DIAPH3: variants seen among roughly 807,000 people sequenced by gnomAD.
DIAPH3 encodes protein diaphanous homolog 3.
A neutral mutation model predicts 144.3 loss-of-function variants in DIAPH3; 117 were observed. That is an observed-to-expected ratio of 0.81 (90% CI 0.70 to 0.95). The LOEUF is 0.95. Among genes scored for constraint, DIAPH3 ranks in the 40% least tolerant of loss-of-function variants. The pLI is 0.00. For missense variants in DIAPH3, 1,421 were observed against 1,412.7 expected, an observed-to-expected ratio of 1.01 and a Z score of -0.09; for synonymous variants, 519 against 488.9, an observed-to-expected ratio of 1.06 and a Z score of -0.81.
chr13:59,994,999 T>A (rs1388332712), intron 9 of DIAPH3, among the ~76,000 whole-genome samples: 1 of 151,722 alleles, frequency 6.6e-6, no homozygotes, highest in African/African-American at 2.4e-5. Context: ...ACATTTGAAA[T>A]ATGAAGAAAA....
chr13:59,812,322 ATCCT>A (rs2040529705), intron 24 of DIAPH3, among the ~76,000 whole-genome samples: 1 of 151,872 alleles, frequency 6.6e-6, no homozygotes, highest in Admixed American at 6.6e-5. Context: ...CGATCCATCC[ATCCT>A]TCCATCTATC....
intron 17 of DIAPH3, among the ~76,000 whole-genome samples, chr13:59,967,005 T>A (rs552755013): frequency 6.6e-6 from 1 of 152,068 alleles, no homozygotes; most frequent in Non-Finnish European, 1.5e-5. Context: ...CACCTTGGAG[T>A]GAACAATACA....
At chr13:60,038,528 GAAT>G (rs2055393147) in intron 5 of DIAPH3, among the ~76,000 whole-genome samples, 1 of 152,020 alleles carries the variant, frequency 6.6e-6, no homozygotes, top group South Asian at 2.1e-4. Context: ...TTATTAAATG[GAAT>G]AATGACATTC....
At chr13:59,761,248 T>C (rs1013809878) in intron 27 of DIAPH3, among the ~76,000 whole-genome samples, 2 of 152,194 alleles carry the variant, frequency 1.3e-5, no homozygotes, top group African/African-American at 4.8e-5. Flanking sequence ...ATCCCTGGCT[T>C]TCATGAGATC....
chr13:59,900,449 C>G (rs2046367082), intron 20 of DIAPH3, among the ~76,000 whole-genome samples: 1 of 152,092 alleles, frequency 6.6e-6, no homozygotes, highest in East Asian at 1.9e-4. Context: ...CTCACCCCAA[C>G]TCATGGTTAG....
rs1416057620 is a variant in DIAPH3 at position 59,861,465 on chromosome 13, C to T, written c.2679G>A (p.Lys893=). The T allele has an allele frequency of 3.1e-6, 5 of 1,613,788 alleles. No homozygotes were observed. Among genetic ancestry groups the T allele is most frequent in the African/African-American group, 1.3e-5 (1 of 75,018 alleles). ...LHFLVEICEE[K]YPDILNFVDD... ...CCACAAAATTCAGTATATCAGGGTA[C>T]TTCTCTTCACATATTTCTACCAGGA... is the stretch of plus-strand genomic sequence containing the variant. Residue 893 remains lysine (K), a synonymous_variant, in exon 22 of 28, where the codon AAG becomes AAA. Transcript: ENST00000400324.
chr13:59,696,652 C>T (rs1458823580), intron 27 of DIAPH3, among the ~76,000 whole-genome samples: 6 of 152,148 alleles, frequency 3.9e-5, no homozygotes, highest in African/African-American at 1.4e-4. Flanking sequence ...TACTAAATGG[C>T]TGTGAAAATT....
At chr13:59,841,555 A>G (rs1681357144) in intron 22 of DIAPH3, among the ~76,000 whole-genome samples, 1 of 152,152 alleles carries the variant, frequency 6.6e-6, no homozygotes, top group Non-Finnish European at 1.5e-5. Flanking sequence ...CATGGCACCA[A>G]TGCACCACAG....
intron 15 of DIAPH3, among the ~76,000 whole-genome samples, chr13:59,972,315 G>A (rs1015376759): frequency 6.6e-6 from 1 of 152,138 alleles, no homozygotes; most frequent in Non-Finnish European, 1.5e-5. Flanking sequence ...TTGTCCTCAT[G>A]TTTCCATGGC....
intron 17 of DIAPH3, among the ~76,000 whole-genome samples, chr13:59,957,007 C>A (rs2140473227): frequency 1.3e-5 from 2 of 152,240 alleles, no homozygotes; most frequent in South Asian, 4.1e-4. Context: ...GATGCATGTA[C>A]CCCCATTGTA....
chr13:59,821,295 T>C lies in DIAPH3; in HGVS notation c.3028-10372A>G, dbSNP rs115009035. Among the ~76,000 whole-genome samples, 374 of 152,132 alleles carry C rather than the reference T, an allele frequency of 2.5e-3. 1 individual carries two copies. Among genetic ancestry groups the C allele is most frequent in the African/African-American group, 8.5e-3 (352 of 41,558 alleles). ...AACAAGCTCATGCAGGTCTCACACATTCCCACTAAACACCTTGCTTAGGGT... is the reference window on the plus strand; with the variant it reads ...AACAAGCTCATGCAGGTCTCACACACTCCCACTAAACACCTTGCTTAGGGT... On this transcript the variant is annotated intron_variant, in intron 24 of 27. Coordinates refer to ENST00000400324, the MANE Select transcript of DIAPH3 (RefSeq NM_001042517.2).
intron 9 of DIAPH3, among the ~76,000 whole-genome samples, chr13:59,997,949 G>T (rs1305480364): frequency 6.6e-6 from 1 of 152,068 alleles, no homozygotes; most frequent in Admixed American, 6.6e-5. Flanking sequence ...GGCTGCAAAA[G>T]CTTATTATCT....
chr13:59,724,748 G>A (rs765513064), intron 27 of DIAPH3, among the ~76,000 whole-genome samples: 3 of 152,140 alleles, frequency 2.0e-5, no homozygotes, highest in Non-Finnish European at 4.4e-5. Flanking sequence ...GAAAGAAATC[G>A]TTGTGAAAAT....
At chr13:59,837,718 T>A (rs1287549550) in intron 23 of DIAPH3, 1 of 150,458 alleles carries the variant, frequency 6.6e-6, no homozygotes, top group East Asian at 1.9e-4. Context: ...CTTTGTCATA[T>A]GAGAAGGTAG....
chr13:60,042,843 T>C, intron 4 of DIAPH3, 23 bp from the exon 5 acceptor site: 1 of 1,611,574 alleles, frequency 6.2e-7, no homozygotes, highest in Non-Finnish European at 8.5e-7. Context: ...TCAAAAAATG[T>C]TTTGATTAAT....
chr13:59,792,995 G>A (rs1311644191), intron 25 of DIAPH3, among the ~76,000 whole-genome samples: 2 of 152,282 alleles, frequency 1.3e-5, no homozygotes, highest in East Asian at 3.9e-4. Context: ...CCCACTCCCT[G>A]AGAGGGTTTA....
intron 25 of DIAPH3, among the ~76,000 whole-genome samples, chr13:59,783,363 T>C (rs1284617343): frequency 6.6e-6 from 1 of 152,176 alleles, no homozygotes; most frequent in African/African-American, 2.4e-5. Flanking sequence ...CTTTGTTTGA[T>C]GATAGAATGA....
At chr13:59,738,271 T>A (rs996005669) in intron 27 of DIAPH3, among the ~76,000 whole-genome samples, 1 of 152,044 alleles carries the variant, frequency 6.6e-6, no homozygotes, top group African/African-American at 2.4e-5. Context: ...GTCATCTTAG[T>A]AGAGATCCTG....
At chr13:59,953,185 A>G (rs1354193410) in intron 17 of DIAPH3, among the ~76,000 whole-genome samples, 1 of 152,172 alleles carries the variant, frequency 6.6e-6, no homozygotes, top group Non-Finnish European at 1.5e-5. Context: ...CATGGAGCAC[A>G]TATCTGGAGC....
Sources: allele counts gnomAD v4.1 joint callset (sites outside exome capture counted in the v4.1 genomes callset), GRCh38; gene constraint gnomAD v4.1.1; transcripts MANE v1.5; gene names NCBI Gene and HGNC (gene_info 2026-07-23, HGNC 2026-07-21).